Variants in CCDC13 observed in about 807,000 individuals in gnomAD.
CCDC13 encodes coiled-coil domain-containing protein 13.
In CCDC13, 70 loss-of-function variants were observed where a neutral mutation model predicts 87.3. The ratio of observed to expected loss-of-function variants is 0.80; its 90% CI spans 0.66 to 0.98. CCDC13 has a LOEUF of 0.98. Ranked by LOEUF, CCDC13 falls within the 50% of genes least tolerant of loss-of-function variation. CCDC13 has a pLI of 0.00. For missense variants in CCDC13, 842 were observed against 892.0 expected (o/e 0.94, Z 0.71); for synonymous variants, 317 against 360.3 (o/e 0.88, Z 1.36).
In CCDC13 at chr3:42,709,704, T is replaced by C. The variant is rs149156339; in HGVS notation, c.1968A>G (p.Gln656=). 7.5e-4 allele frequency: 1,214 copies of C among 1,613,988 alleles called. 12 individuals are homozygous for C. The African/African-American group carries it at 0.014, about 19-fold the overall frequency. The change falls in exon 15 of 16, where the codon CAA becomes CAG. Residue 656 remains glutamine, a synonymous_variant. Coordinates refer to ENST00000310232, the MANE Select transcript of CCDC13 (RefSeq NM_144719.4). ...AGCACCTGGTTGTCAGCTCTTCCATTTGGGATTCCACGGGCACATCGGAGA... is the reference window on the plus strand; with the variant it reads ...AGCACCTGGTTGTCAGCTCTTCCATCTGGGATTCCACGGGCACATCGGAGA... The part of the protein sequence containing the change: ...AQLSDVPVES[Q]MEELTTRLAI...
chr3:42,752,173 TTAG>T lies in CCDC13; in HGVS notation c.514-151_514-149del, dbSNP rs1699600939. 6.0e-6 allele frequency: 4 copies of T among 663,114 alleles called. No homozygotes were observed. The East Asian group carries it at 1.1e-4, about 18-fold the overall frequency. 41.1% of individuals were successfully genotyped at this position (663,114 alleles called of 1,614,324 possible). ...GGATCATTAATGGCAGCATTCTCCT[TTAG>T]AAACCGCTCTGGAATGGAGAGGGTT... On this transcript the variant is annotated intron_variant, in intron 4 of 15. Coordinates refer to ENST00000310232, the MANE Select transcript of CCDC13 (RefSeq NM_144719.4).
intron 12 of CCDC13, 114 bp from the exon 13 acceptor site, chr3:42,730,703 G>A: frequency 7.2e-7 from 1 of 1,382,666 alleles, no homozygotes; most frequent in South Asian, 1.4e-5. Context: ...GTCAGCCAGA[G>A]CAAAGGAAGC....
Position 42,747,390 on chromosome 3 carries a change from G to A in CCDC13, c.604-17C>T. 1 of 1,559,694 alleles carries A rather than the reference G, an allele frequency of 6.4e-7. No individual in the cohort carries two copies. Among genetic ancestry groups the A allele is most frequent in the Non-Finnish European group, 8.8e-7 (1 of 1,131,568 alleles). On this transcript the variant is annotated splice_polypyrimidine_tract_variant and intron_variant, in intron 5 of 15. Coordinates refer to ENST00000310232, the MANE Select transcript of CCDC13 (RefSeq NM_144719.4). ...GGTCTCCAGCTGGTTGGGAAGGACA[G>A]GAGAGAAAGTAGTCATTTATTGCCT...
chr3:42,746,107 T>C lies in CCDC13; in HGVS notation c.721-80A>G. On this transcript the variant is annotated intron_variant, in intron 6 of 15. Coordinates refer to ENST00000310232, the MANE Select transcript of CCDC13 (RefSeq NM_144719.4). The stretch of plus-strand genomic sequence containing the variant: ...TGATGCTGCTACGTATTTAGAAGCA[T>C]ATTCAGAAGCAGTCTTCACCTACAC... 6.7e-6 allele frequency: 7 copies of C among 1,051,842 alleles called. No individual in the cohort carries two copies. The Admixed American group carries it at 8.8e-5, about 13-fold the overall frequency. 65.2% of individuals were successfully genotyped at this position (1,051,842 alleles called of 1,614,324 possible).
At position 42,744,123 on chromosome 3, in the gene CCDC13, G is replaced by A. The variant is rs114817722; in HGVS notation, c.826-1066C>T. The stretch of plus-strand genomic sequence containing the variant: ...TTCTAGCGGAAGGGACATGGAATCT[G>A]CATTTTAAATGCTACAGGTTATTTT... On this transcript the variant is annotated intron_variant, in intron 7 of 15. Coordinates refer to ENST00000310232, the MANE Select transcript of CCDC13 (RefSeq NM_144719.4). Among the ~76,000 whole-genome samples, 790 of 152,254 alleles carry A rather than the reference G, an allele frequency of 5.2e-3. 8 individuals are homozygous for A. The highest frequency in any genetic ancestry group is 0.018 in the African/African-American group (745 of 41,554).
At chr3:42,756,589 CTTTT>C (rs556028100) in intron 3 of CCDC13, among the ~76,000 whole-genome samples, 1 of 142,746 alleles carries the variant, frequency 7.0e-6, no homozygotes, top group African/African-American at 2.6e-5. Flanking sequence ...TCTACTGGGG[CTTTT>C]TTTTTTTTCA....
intron 12 of CCDC13, 100 bp from the exon 13 acceptor site, chr3:42,730,689 G>T: frequency 6.8e-7 from 1 of 1,478,162 alleles, no homozygotes; most frequent in South Asian, 1.3e-5. Flanking sequence ...CATTCAGGGC[G>T]AATGTCAGCC....
chr3:42,722,626 G>A (rs1484921854), intron 13 of CCDC13, among the ~76,000 whole-genome samples: 1 of 152,126 alleles, frequency 6.6e-6, no homozygotes, highest in Admixed American at 6.5e-5. Flanking sequence ...ACAGTTTACA[G>A]ATGCCATGGC....
At chr3:42,771,888 C>A (rs547899856) in intron 1 of CCDC13, among the ~76,000 whole-genome samples, 11 of 152,226 alleles carry the variant, frequency 7.2e-5, no homozygotes, top group African/African-American at 2.6e-4. Flanking sequence ...AAGATGTTAA[C>A]AACAGAGGAA....
chr3:42,759,746 C>T (rs1559662044), intron 1 of CCDC13, among the ~76,000 whole-genome samples: 1 of 152,086 alleles, frequency 6.6e-6, no homozygotes, highest in South Asian at 2.1e-4. Context: ...TGAATAAAGC[C>T]GTTATGAACA....
At chr3:42,716,316 C>T (rs955405017) in intron 13 of CCDC13, among the ~76,000 whole-genome samples, 1 of 151,670 alleles carries the variant, frequency 6.6e-6, no homozygotes. Flanking sequence ...ATGATTTTTG[C>T]TATTCTGACA....
chr3:42,743,662 T>C, intron 7 of CCDC13, among the ~76,000 whole-genome samples: 1 of 145,018 alleles, frequency 6.9e-6, no homozygotes, highest in Non-Finnish European at 1.5e-5. Context: ...AATATAAATA[T>C]ATATATATAT....
chr3:42,725,179 A>T (rs1698660524), intron 13 of CCDC13, among the ~76,000 whole-genome samples: 1 of 152,194 alleles, frequency 6.6e-6, no homozygotes, highest in Admixed American at 6.5e-5. Context: ...AAACATAGTA[A>T]CTGTGAGGGT....
chr3:42,752,725 G>C lies in CCDC13; in HGVS notation c.371-8C>G. The C allele has an allele frequency of 6.2e-7, 1 of 1,613,752 alleles. No individual in the cohort carries two copies. Among genetic ancestry groups the C allele is most frequent in the Middle Eastern group, 1.7e-4 (1 of 6,060 alleles). ...CGGCTACACCGGCTGTCCCTAAAAT[G>C]AAAGGAATGGTGAGGTCAATTAAAA... On this transcript the variant is annotated splice_region_variant and splice_polypyrimidine_tract_variant and intron_variant, in intron 3 of 15. Transcript: ENST00000310232.
chr3:42,722,791 CTTTTT>C (rs956889825), intron 13 of CCDC13, among the ~76,000 whole-genome samples: 4 of 109,098 alleles, frequency 3.7e-5, no homozygotes, highest in Non-Finnish European at 5.5e-5. Context: ...TATTCCTTTA[CTTTTT>C]TTTTTTTTTT....
intron 7 of CCDC13, among the ~76,000 whole-genome samples, chr3:42,744,645 A>C (rs1699337318): frequency 6.6e-6 from 1 of 151,862 alleles, no homozygotes; most frequent in Admixed American, 6.6e-5. Flanking sequence ...CTCTACTAAA[A>C]ATACAAAAAA....
intron 13 of CCDC13, chr3:42,718,935 A>T (rs1698493501): frequency 6.6e-6 from 1 of 151,666 alleles, no homozygotes; most frequent in Non-Finnish European, 1.5e-5. Context: ...CTCCTAAGAC[A>T]AAGTGGGTCA....
intron 8 of CCDC13, among the ~76,000 whole-genome samples, chr3:42,742,456 A>T (rs2125894398): frequency 6.6e-6 from 1 of 152,252 alleles, no homozygotes; most frequent in East Asian, 1.9e-4. Context: ...TTGTTGCTTA[A>T]ACCTGGTAGA....
At chr3:42,732,815 G>T in intron 12 of CCDC13, 72 bp downstream of exon 12, 1 of 1,332,616 alleles carries the variant, frequency 7.5e-7, no homozygotes, top group Non-Finnish European at 1.0e-6. Flanking sequence ...TCCTTTTAAT[G>T]GGATGGCAAT....
Sources: allele counts gnomAD v4.1 joint callset (sites outside exome capture counted in the v4.1 genomes callset), GRCh38; gene constraint gnomAD v4.1.1; transcripts MANE v1.5; gene names NCBI Gene and HGNC (gene_info 2026-07-23, HGNC 2026-07-21).